HCN1: variants seen among roughly 807,000 people sequenced by gnomAD.
HCN1 encodes the protein hyperpolarization activated cyclic nucleotide gated potassium channel 1.
In HCN1, 13 loss-of-function variants were observed where a neutral mutation model predicts 78.9. The ratio of observed to expected loss-of-function variants is 0.16; its 90% confidence interval spans 0.11 to 0.26. The LOEUF (loss-of-function observed/expected upper bound fraction) is 0.26, where lower values mean the gene tolerates loss of function less well. Among genes scored for constraint, HCN1 ranks in the 10% least tolerant of loss-of-function variants. The probability of loss-of-function intolerance (pLI) is 1.00; values close to 1 mark genes in which losing one functional copy is unlikely to be tolerated. For missense variants in HCN1, 810 were observed against 1,154.3 expected (o/e 0.70, Z 4.32); for synonymous variants, 552 against 455.5 (o/e 1.21, Z -2.70).
chr5:45,616,251 A>G lies in HCN1; in HGVS notation c.849+28934T>C, dbSNP rs889689441. Reference sequence around the variant, plus strand: ...GTGGGCATAACGTGATAATACATGGAGCACTTATAATCTATGAGATCACCC... The same window carrying G: ...GTGGGCATAACGTGATAATACATGGGGCACTTATAATCTATGAGATCACCC... On this transcript the variant is annotated intron_variant, in intron 2 of 7. Transcript: ENST00000303230. 8.2e-4 allele frequency among the ~76,000 whole-genome samples: 124 copies of G among 151,990 alleles called. 4 individuals carry two copies. The highest frequency in any genetic ancestry group is 2.4e-4 in the Non-Finnish European group (16 of 67,912).
chr5:45,513,551 T>C (rs1037704337), intron 2 of HCN1, among the ~76,000 whole-genome samples: 4 of 152,118 alleles, frequency 2.6e-5, no homozygotes, highest in Admixed American at 2.6e-4. Context: ...GCATGGCCTG[T>C]GGTAAGTGGC....
intron 1 of HCN1, among the ~76,000 whole-genome samples, chr5:45,653,226 C>T (rs1047713143): frequency 6.6e-6 from 1 of 152,018 alleles, no homozygotes; most frequent in African/African-American, 2.4e-5. Flanking sequence ...CCTTACATTA[C>T]TTCAACAGTC....
Position 45,645,512 on chromosome 5 carries a change from T to C in HCN1, c.522A>G (p.Pro174=), listed in dbSNP as rs1438316786. 1 of 1,612,860 alleles carries C rather than the reference T, an allele frequency of 6.2e-7. No individual in the cohort carries two copies. ...CTGATGCCACATTGAAAATAATCCA[T>C]GGTGTTGTTGTTTGCTCTGTAAAGA... ...ITFFTEQTTT[P]WIIFNVASDT... The change falls in exon 2 of 8, where the codon CCA becomes CCG. Residue 174 remains proline (P), a synonymous_variant. Transcript: ENST00000303230.
At chr5:45,311,307 T>A (rs999899978) in intron 5 of HCN1, among the ~76,000 whole-genome samples, 2 of 152,212 alleles carry the variant, frequency 1.3e-5, no homozygotes, top group Non-Finnish European at 2.9e-5. Context: ...ATAATTTATA[T>A]AGCATCAATA....
At chr5:45,473,291 T>A (rs2111656127) in intron 2 of HCN1, among the ~76,000 whole-genome samples, 1 of 152,066 alleles carries the variant, frequency 6.6e-6, no homozygotes, top group Non-Finnish European at 1.5e-5. Flanking sequence ...ATCAACTATG[T>A]TTCCTATACT....
intron 4 of HCN1, among the ~76,000 whole-genome samples, chr5:45,374,688 C>CA (rs1378928400): frequency 1.3e-5 from 2 of 148,610 alleles, no homozygotes; most frequent in African/African-American, 2.5e-5. Flanking sequence ...GCAGAGACAA[C>CA]AAAAAAAGAA....
At chr5:45,333,302 A>G (rs771532223) in intron 5 of HCN1, among the ~76,000 whole-genome samples, 4 of 151,674 alleles carry the variant, frequency 2.6e-5, no homozygotes, top group Admixed American at 6.6e-5. Context: ...AGAAATGTCT[A>G]TTCAAATCTT....
intron 4 of HCN1, among the ~76,000 whole-genome samples, chr5:45,388,110 T>C (rs1747964536): frequency 6.6e-6 from 1 of 152,120 alleles, no homozygotes; most frequent in African/African-American, 2.4e-5. Context: ...GCCTTACAGC[T>C]ACTATTGTTT....
At chr5:45,612,955 G>A (rs1744868634) in intron 2 of HCN1, among the ~76,000 whole-genome samples, 1 of 152,148 alleles carries the variant, frequency 6.6e-6, no homozygotes, top group Non-Finnish European at 1.5e-5. Context: ...TCCCTATGAT[G>A]ATTTTCAAAT....
At chr5:45,323,694 T>C (rs1391874475) in intron 5 of HCN1, among the ~76,000 whole-genome samples, 1 of 151,962 alleles carries the variant, frequency 6.6e-6, no homozygotes, top group Non-Finnish European at 1.5e-5. Flanking sequence ...TAGGTATATC[T>C]CCTAATGCTA....
intron 2 of HCN1, among the ~76,000 whole-genome samples, chr5:45,562,793 C>A (rs147758171): frequency 1.1e-3 from 165 of 152,298 alleles, no homozygotes; most frequent in Middle Eastern, 6.8e-3. Flanking sequence ...GCAAAACCCT[C>A]TTGAATAGAT....
chr5:45,627,166 G>A (rs1745181203), intron 2 of HCN1, among the ~76,000 whole-genome samples: 1 of 152,060 alleles, frequency 6.6e-6, no homozygotes, highest in African/African-American at 2.4e-5. Flanking sequence ...TGGTAATTCT[G>A]ATTCATCTTG....
At chr5:45,304,530 G>C (rs974771496) in intron 5 of HCN1, among the ~76,000 whole-genome samples, 1 of 152,002 alleles carries the variant, frequency 6.6e-6, no homozygotes, top group Non-Finnish European at 1.5e-5. Flanking sequence ...ACAAAAATTA[G>C]CTGGGTGTGC....
chr5:45,431,300 G>C (rs1740459094), intron 3 of HCN1, among the ~76,000 whole-genome samples: 1 of 151,768 alleles, frequency 6.6e-6, no homozygotes, highest in Non-Finnish European at 1.5e-5. Context: ...TTGTTTTTTT[G>C]CTTGTAAATT....
At chr5:45,679,357 TACTGCATTTGGAAC>T (rs1340453863) in intron 1 of HCN1, among the ~76,000 whole-genome samples, 1 of 152,100 alleles carries the variant, frequency 6.6e-6, no homozygotes, top group Non-Finnish European at 1.5e-5. Context: ...TAGCAGCTAA[TACTGCATTTGGAAC>T]ACTTTTTGTA....
chr5:45,598,877 C>A (rs1579992189), intron 2 of HCN1, among the ~76,000 whole-genome samples: 1 of 152,184 alleles, frequency 6.6e-6, no homozygotes, highest in Non-Finnish European at 1.5e-5. Context: ...CCATCTCACA[C>A]TAGTTAGAAT....
chr5:45,386,212 G>A (rs1747906430), intron 4 of HCN1, among the ~76,000 whole-genome samples: 1 of 143,226 alleles, frequency 7.0e-6, no homozygotes, highest in Admixed American at 7.3e-5. Context: ...GCCTTGCTGT[G>A]TCTCCCATGC....
intron 3 of HCN1, among the ~76,000 whole-genome samples, chr5:45,400,394 C>CTTT (rs541820226): frequency 6.5e-4 from 74 of 112,978 alleles, no homozygotes; most frequent in Non-Finnish European, 9.4e-4. Flanking sequence ...ATTAAAAATG[C>CTTT]TTTTTTTTTT....
intron 3 of HCN1, 51 bp downstream of exon 3, chr5:45,461,794 GT>G: frequency 1.4e-6 from 2 of 1,461,812 alleles, no homozygotes; most frequent in South Asian, 2.3e-5. Flanking sequence ...TACTTAAAAG[GT>G]TTTGGCACAA....
Sources: gnomAD v4.1 joint callset for allele counts (sites outside exome capture counted in the v4.1 genomes callset) on GRCh38, gnomAD v4.1.1 for gene constraint, MANE v1.5 for transcripts, NCBI Gene and HGNC (gene_info 2026-07-23, HGNC 2026-07-21) for gene names.